The following TSPAN15 variants were observed in gnomAD, a reference collection of about 807,000 sequenced individuals.
The protein encoded by TSPAN15 is tetraspanin 15.
Under a neutral mutation model 34.5 loss-of-function variants are expected in TSPAN15, and 20 were observed. The ratio of observed to expected loss-of-function variants is 0.58; its 90% CI spans 0.41 to 0.84. TSPAN15 has a LOEUF of 0.84. Among genes scored for constraint, TSPAN15 ranks in the 40% least tolerant of loss-of-function variants. The pLI is 0.00. For missense variants in TSPAN15, 313 were observed against 386.1 expected, an observed-to-expected ratio of 0.81 and a Z score of 1.59; for synonymous variants, 155 against 153.9, an observed-to-expected ratio of 1.01 and a Z score of -0.05.
the TSPAN15 span, among the ~76,000 whole-genome samples, chr10:69,512,982 A>G: frequency 6.6e-6 from 1 of 152,208 alleles, no homozygotes; most frequent in African/African-American, 2.4e-5. Flanking sequence ...ATATGTAACT[A>G]TATGTTTAAC....
intron 3 of TSPAN15, among the ~76,000 whole-genome samples, chr10:69,489,217 A>T (rs2133124497): frequency 6.6e-6 from 1 of 152,362 alleles, no homozygotes; most frequent in East Asian, 1.9e-4. Flanking sequence ...GCTGTCTGCA[A>T]GAAGAAAAAT....
At chr10:69,520,416 C>G in the TSPAN15 span, among the ~76,000 whole-genome samples, 1 of 152,176 alleles carries the variant, frequency 6.6e-6, no homozygotes, top group South Asian at 2.1e-4. Flanking sequence ...AATCTCAGCA[C>G]TTTCAGAGGC....
the TSPAN15 span, among the ~76,000 whole-genome samples, chr10:69,514,320 T>G: frequency 6.6e-5 from 10 of 152,332 alleles, no homozygotes; most frequent in South Asian, 1.9e-3. Context: ...GAGGATTGTT[T>G]TCTTGTAAAA....
chr10:69,495,282 G>C (rs144003655), intron 3 of TSPAN15: 1 of 298,698 alleles, frequency 3.3e-6, no homozygotes, highest in Non-Finnish European at 6.3e-6. Flanking sequence ...CATCAGAGCT[G>C]TGTGTCCCCA....
chr10:69,544,233 TTTATTTAAAGTGTA>T, the TSPAN15 span, among the ~76,000 whole-genome samples: 1 of 152,250 alleles, frequency 6.6e-6, no homozygotes, highest in African/African-American at 2.4e-5. Context: ...TTTTGAAACA[TTTATTTAAAGTGTA>T]TTATTTAAGC....
At chr10:69,456,743 C>T (rs919631576) in intron 1 of TSPAN15, among the ~76,000 whole-genome samples, 4 of 152,280 alleles carry the variant, frequency 2.6e-5, no homozygotes, top group Non-Finnish European at 4.4e-5. Context: ...AAACTGAGAC[C>T]CGCTCCTTGA....
At chr10:69,497,200 T>G (rs1344776838) in intron 4 of TSPAN15, among the ~76,000 whole-genome samples, 1 of 152,212 alleles carries the variant, frequency 6.6e-6, no homozygotes, top group Admixed American at 6.5e-5. Flanking sequence ...AAGACAGTTC[T>G]AGGTCCCAAA....
intron 1 of TSPAN15, among the ~76,000 whole-genome samples, chr10:69,455,756 G>A (rs1424030377): frequency 6.6e-6 from 1 of 151,606 alleles, no homozygotes; most frequent in Non-Finnish European, 1.5e-5. Context: ...GGGTTGTTGA[G>A]TTAAGGGGTA....
intron 1 of TSPAN15, among the ~76,000 whole-genome samples, chr10:69,474,165 C>G (rs796405925): frequency 6.6e-6 from 1 of 151,800 alleles, no homozygotes; most frequent in African/African-American, 2.4e-5. Flanking sequence ...CCTCCTCCCC[C>G]CACCTGCTCT....
At chr10:69,459,031 G>A (rs1841179435) in intron 1 of TSPAN15, among the ~76,000 whole-genome samples, 1 of 150,708 alleles carries the variant, frequency 6.6e-6, no homozygotes, top group Non-Finnish European at 1.5e-5. Flanking sequence ...TGTACCAACT[G>A]GCTCCACACA....
At chr10:69,525,958 G>A in the TSPAN15 span, among the ~76,000 whole-genome samples, 9 of 146,906 alleles carry the variant, frequency 6.1e-5, no homozygotes, top group African/African-American at 2.0e-4. Flanking sequence ...ACACTATAGG[G>A]AATTTCTAAA....
intron 1 of TSPAN15, among the ~76,000 whole-genome samples, chr10:69,461,415 T>G (rs1427005436): frequency 6.6e-6 from 1 of 152,160 alleles, no homozygotes; most frequent in African/African-American, 2.4e-5. Context: ...GATGGGCTTG[T>G]TTTTCCCTCT....
the TSPAN15 span, among the ~76,000 whole-genome samples, chr10:69,537,360 C>T: frequency 2.6e-5 from 4 of 152,224 alleles, no homozygotes; most frequent in East Asian, 1.9e-4. Flanking sequence ...TTTGCAACAT[C>T]GTAAAGTTGA....
Position 69,506,159 on chromosome 10 carries a change from C to A in TSPAN15, c.654C>A (p.Gly218=). 1.2e-6 allele frequency: 2 copies of A among 1,614,218 alleles called. No homozygotes were observed. Among genetic ancestry groups the A allele is most frequent in the Non-Finnish European group, 8.5e-7 (1 of 1,180,028 alleles). The change falls in exon 7 of 8, where the codon GGC becomes GGA. Residue 218 remains glycine (G), a synonymous_variant. Coordinates refer to ENST00000373290, the MANE Select transcript of TSPAN15 (RefSeq NM_012339.5). The surrounding 1 kb of genome is among the most constrained non-coding windows in gnomAD (Gnocchi z 4.7). The stretch of plus-strand genomic sequence containing the variant: ...TGCAGGATGTCATCTACGTGCGGGG[C>A]TGCACCAACGCCGTGATCATCTGGT... ...FSVQDVIYVR[G]CTNAVIIWFM... is the part of the protein sequence containing the mutation.
intron 4 of TSPAN15, among the ~76,000 whole-genome samples, chr10:69,496,730 A>T (rs1775152867): frequency 6.6e-6 from 1 of 152,186 alleles, no homozygotes; most frequent in Non-Finnish European, 1.5e-5. Flanking sequence ...CCCCACATGC[A>T]GGGCCACTTG....
At chr10:69,519,144 C>T in the TSPAN15 span, among the ~76,000 whole-genome samples, 4 of 152,192 alleles carry the variant, frequency 2.6e-5, no homozygotes, top group Non-Finnish European at 5.9e-5. Flanking sequence ...GGGCTGGGCG[C>T]GGTGGCCCAG....
At chr10:69,525,483 TAAA>T in the TSPAN15 span, among the ~76,000 whole-genome samples, 41 of 118,096 alleles carry the variant, frequency 3.5e-4, no homozygotes, top group Admixed American at 5.6e-4. Flanking sequence ...CCTCATCTCT[TAAA>T]AAAAAAAAAA....
Position 69,499,532 on chromosome 10 carries a change from T to TATTC in TSPAN15, c.570+1158_570+1161dup, listed in dbSNP as rs543895631. On this transcript the variant is annotated intron_variant, in intron 5 of 7. Transcript: ENST00000373290. ...AGCTGAGATGTGGAAGCCAAACTTG[T>TATTC]ATTCATTCATTCATTCATTCATTCA... Among the ~76,000 whole-genome samples the TATTC allele has an allele frequency of 9.6e-3, 1,455 of 152,242 alleles. 24 individuals carry two copies. The highest frequency in any genetic ancestry group is 0.031 in the African/African-American group (1,299 of 41,532).
chr10:69,506,913 G>A lies in TSPAN15; in HGVS notation c.820G>A (p.Gly274Arg). 1 of 1,609,120 alleles carries A rather than the reference G, an allele frequency of 6.2e-7. No homozygotes were observed. Among genetic ancestry groups the A allele is most frequent in the East Asian group, 2.2e-5 (1 of 44,738 alleles). Residue 274 changes from glycine to arginine, a missense_variant, in exon 8 of 8, where the codon GGG becomes AGG. Gly to Arg is a moderately radical substitution (Grantham distance 125). Coordinates refer to ENST00000373290, the MANE Select transcript of TSPAN15 (RefSeq NM_012339.5). The surrounding 1 kb of genome is among the most constrained non-coding windows in gnomAD (Gnocchi z 4.7). ...MEHSVTDGLL[G>R]PGAKPSVEAA... ...GCACTCTGTCACTGATGGGCTCCTG[G>A]GGCCCGGTGCCAAGCCCAGCGTGGA...
Sources: gnomAD v4.1 joint callset for allele counts (sites outside exome capture counted in the v4.1 genomes callset) on GRCh38, gnomAD v4.1.1 for gene constraint, Gnocchi (gnomAD v3.1) non-coding constraint, MANE v1.5 for transcripts, NCBI Gene and HGNC (gene_info 2026-07-23, HGNC 2026-07-21) for gene names.